TTLL11: variants seen among roughly 807,000 people sequenced by gnomAD.
TTLL11 encodes tubulin tyrosine ligase like 11, also known as tubulin polyglutamylase TTLL11.
TTLL11 carries 42 observed loss-of-function variants against 51.7 expected under a neutral mutation model. The ratio of observed to expected loss-of-function variants is 0.81; its 90% CI spans 0.64 to 1.05. The LOEUF is 1.05. Ranked by LOEUF, TTLL11 falls within the 50% of genes least tolerant of loss-of-function variation. The pLI is 0.00. For missense variants in TTLL11, 799 were observed against 940.4 expected (o/e 0.85, Z 1.97); for synonymous variants, 381 against 383.5 (o/e 0.99, Z 0.08).
intron 6 of TTLL11, among the ~76,000 whole-genome samples, chr9:121,972,447 G>A (rs1345509007): frequency 1.3e-5 from 2 of 152,246 alleles, no homozygotes; most frequent in Admixed American, 6.5e-5. Context: ...CTGCTCAGAG[G>A]ACAGCTTTGA....
At chr9:121,964,140 C>T (rs1391612943) in intron 6 of TTLL11, among the ~76,000 whole-genome samples, 3 of 151,578 alleles carry the variant, frequency 2.0e-5, no homozygotes, top group African/African-American at 7.3e-5. Flanking sequence ...CAAACCTGCT[C>T]ATGGACCCCC....
chr9:122,055,803 C>G (rs937577302), intron 1 of TTLL11, among the ~76,000 whole-genome samples: 1 of 152,108 alleles, frequency 6.6e-6, no homozygotes, highest in Admixed American at 6.5e-5. Flanking sequence ...AACCAAGGCT[C>G]GGAAAGGTTG....
intron 1 of TTLL11, among the ~76,000 whole-genome samples, chr9:122,077,501 T>C (rs949221765): frequency 2.6e-5 from 4 of 151,922 alleles, no homozygotes; most frequent in Admixed American, 6.6e-5. Flanking sequence ...TCCAGACTAG[T>C]GCAGGGAGAA....
chr9:121,930,123 T>A (rs942129718), intron 6 of TTLL11, among the ~76,000 whole-genome samples: 18 of 152,150 alleles, frequency 1.2e-4, no homozygotes, highest in African/African-American at 4.1e-4. Context: ...CCAATCAACT[T>A]CCACCATCTG....
At chr9:122,021,785 AC>A (rs1416435694) in intron 3 of TTLL11, among the ~76,000 whole-genome samples, 1 of 152,198 alleles carries the variant, frequency 6.6e-6, no homozygotes, top group East Asian at 1.9e-4. Context: ...TATATCTGTC[AC>A]CCAGCTAGAA....
intron 3 of TTLL11, among the ~76,000 whole-genome samples, chr9:122,029,203 C>G (rs1023763949): frequency 3.3e-5 from 5 of 152,110 alleles, no homozygotes; most frequent in Admixed American, 1.3e-4. Flanking sequence ...TAATAAACTA[C>G]TACGTTACTA....
intron 8 of TTLL11, among the ~76,000 whole-genome samples, chr9:121,823,499 T>G (rs1836647991): frequency 6.6e-6 from 1 of 152,152 alleles, no homozygotes; most frequent in South Asian, 2.1e-4. Flanking sequence ...TGAGCTGAGA[T>G]CGTGTCACTG....
At chr9:122,068,818 T>C (rs1845659847) in intron 1 of TTLL11, among the ~76,000 whole-genome samples, 1 of 152,154 alleles carries the variant, frequency 6.6e-6, no homozygotes, top group South Asian at 2.1e-4. Flanking sequence ...GGTGCCTGAG[T>C]TCCAGCCAGT....
intron 7 of TTLL11, among the ~76,000 whole-genome samples, chr9:121,868,442 T>C (rs1838246161): frequency 6.6e-6 from 1 of 152,208 alleles, no homozygotes; most frequent in Non-Finnish European, 1.5e-5. Flanking sequence ...AGTCACTAAA[T>C]GCAGCTTCCA....
intron 1 of TTLL11, among the ~76,000 whole-genome samples, chr9:122,041,368 G>A (rs1380921138): frequency 6.6e-6 from 1 of 152,090 alleles, no homozygotes; most frequent in East Asian, 1.9e-4. Context: ...CCATGATCAG[G>A]AATAAGACAA....
intron 6 of TTLL11, among the ~76,000 whole-genome samples, chr9:121,875,308 G>A (rs1838525493): frequency 6.6e-6 from 1 of 152,192 alleles, no homozygotes; most frequent in Non-Finnish European, 1.5e-5. Context: ...CCTCAGACTG[G>A]AAAGGTGTTC....
At chr9:122,045,068 T>C (rs1156758717) in intron 1 of TTLL11, among the ~76,000 whole-genome samples, 1 of 151,776 alleles carries the variant, frequency 6.6e-6, no homozygotes, top group Non-Finnish European at 1.5e-5. Flanking sequence ...ATTGCACCAC[T>C]GCTCTCCAGC....
chr9:122,031,968 AGGATTTTT>A, intron 2 of TTLL11, 112 bp from the exon 3 acceptor site: 1 of 1,430,978 alleles, frequency 7.0e-7, no homozygotes, highest in Admixed American at 2.2e-5. Flanking sequence ...TTTTTCAGGC[AGGATTTTT>A]AAAAAAGGTC....
intron 1 of TTLL11, among the ~76,000 whole-genome samples, chr9:122,072,441 C>T (rs1381701515): frequency 4.6e-5 from 7 of 151,930 alleles, no homozygotes; most frequent in Admixed American, 6.6e-5. Context: ...CTCAGGAGTT[C>T]GAGACCAGCC....
chr9:122,033,123 T>G (rs1844601957), intron 2 of TTLL11, among the ~76,000 whole-genome samples: 1 of 152,154 alleles, frequency 6.6e-6, no homozygotes, highest in African/African-American at 2.4e-5. Flanking sequence ...CTTTTTCTTT[T>G]TCTTTTTAGG....
At chr9:121,927,092 G>T (rs1840763593) in intron 6 of TTLL11, among the ~76,000 whole-genome samples, 1 of 152,232 alleles carries the variant, frequency 6.6e-6, no homozygotes, top group South Asian at 2.1e-4. Flanking sequence ...ACATGGTGGG[G>T]CTGGCCGGTG....
chr9:122,061,021 C>T (rs1268887462), intron 1 of TTLL11, among the ~76,000 whole-genome samples: 1 of 152,192 alleles, frequency 6.6e-6, no homozygotes, highest in Admixed American at 6.5e-5. Context: ...TTGATTTCCT[C>T]TGAAGACTCC....
intron 6 of TTLL11, among the ~76,000 whole-genome samples, chr9:121,912,352 C>T (rs914292079): frequency 1.3e-5 from 2 of 152,178 alleles, no homozygotes; most frequent in African/African-American, 4.8e-5. Context: ...TGCACAAGCA[C>T]ATCAGGAGAT....
intron 3 of TTLL11, among the ~76,000 whole-genome samples, chr9:121,999,090 C>T (rs569415698): frequency 2.6e-5 from 4 of 152,322 alleles, no homozygotes; most frequent in Admixed American, 1.3e-4. Flanking sequence ...CACTACATCC[C>T]CAGCTATCAC....
Sources: gnomAD v4.1 joint callset for allele counts (sites outside exome capture counted in the v4.1 genomes callset) on GRCh38, gnomAD v4.1.1 for gene constraint, MANE v1.5 for transcripts, NCBI Gene and HGNC (gene_info 2026-07-23, HGNC 2026-07-21) for gene names.